The following ANGPTL1 variants were observed in gnomAD, a reference collection of about 807,000 sequenced individuals.
ANGPTL1 encodes angiopoietin like 1.
ANGPTL1 carries 36 observed loss-of-function variants against 46.7 expected under a neutral mutation model. That is an observed-to-expected ratio of 0.77 (90% CI 0.59 to 1.02). The LOEUF is 1.02. ANGPTL1 is among the 50% of genes least tolerant of loss of function. ANGPTL1 has a pLI of 0.00. For synonymous variants in ANGPTL1, 221 were observed against 204.3 expected, an observed-to-expected ratio of 1.08 and a Z score of -0.69; for missense variants, 571 against 594.7, an observed-to-expected ratio of 0.96 and a Z score of 0.41.
In ANGPTL1 at chr1:178,865,085, G is replaced by A; in HGVS notation, c.692C>T (p.Pro231Leu). ...AATCTCGTTACCTCCCAGCAGACCA[G>A]GAGTATACTGTTGGCTGTTAGGAAT... ...QHIPNSQQYTPGLLGGNEIQR... is the reference protein window; with the variant it reads ...QHIPNSQQYTLGLLGGNEIQR... The change falls in exon 3 of 6, where the codon CCT becomes CTT. Residue 231 changes from proline (P) to leucine (L), a missense_variant. Coordinates refer to ENST00000234816, the MANE Select transcript of ANGPTL1 (RefSeq NM_004673.4). 9.7e-6 allele frequency: 15 copies of A among 1,553,794 alleles called. No individual in the cohort carries two copies. The highest frequency in any genetic ancestry group is 1.4e-5 in the African/African-American group (1 of 73,558).
At chr1:178,856,197 A>AGG (rs1657535108) in intron 3 of ANGPTL1, among the ~76,000 whole-genome samples, 4 of 41,496 alleles carry the variant, frequency 9.6e-5, no homozygotes, top group Non-Finnish European at 2.1e-4. Flanking sequence ...TTCCAGAGAG[A>AGG]GAGAGATATA....
In ANGPTL1 at chr1:178,865,481, A is replaced by C; in HGVS notation, c.296T>G (p.Ile99Arg). The change falls in exon 3 of 6, where the codon ATA becomes AGA. Residue 99 changes from isoleucine to arginine, a missense_variant. By Grantham distance (97) the Ile-to-Arg change is moderately conservative. Coordinates refer to ENST00000234816, the MANE Select transcript of ANGPTL1 (RefSeq NM_004673.4). ...ATCCACCACCAGTTGCAGAACATCT[A>C]TCTCCCGCTTCTGCCTGGAGAGCAC... is the stretch of plus-strand genomic sequence containing the variant. ...KDVLSRQKRE[I>R]DVLQLVVDVD... 1.2e-6 allele frequency: 2 copies of C among 1,614,042 alleles called. No individual in the cohort carries two copies. Among genetic ancestry groups the C allele is most frequent in the Non-Finnish European group, 8.5e-7 (1 of 1,179,996 alleles).
chr1:178,861,275 G>A (rs1046469439), intron 3 of ANGPTL1, among the ~76,000 whole-genome samples: 4 of 152,096 alleles, frequency 2.6e-5, no homozygotes, highest in Non-Finnish European at 5.9e-5. Flanking sequence ...AAAAGTTAAT[G>A]TTTACATAAA....
rs780592103 is a variant in ANGPTL1 at position 178,865,299 on chromosome 1, T to G, written c.478A>C (p.Asn160His). The change falls in exon 3 of 6, where the codon AAT becomes CAT. Residue 160 changes from asparagine to histidine, a missense_variant. Coordinates refer to ENST00000234816, the MANE Select transcript of ANGPTL1 (RefSeq NM_004673.4). ...ATCTTCAACATTTCTGTGGTGACAT[T>G]GAGGATTTTGTTTTCCAGTTGGGAA... ...ELSQLENKIL[N>H]VTTEMLKMAT... The G allele has an allele frequency of 6.2e-7, 1 of 1,614,058 alleles. No homozygotes were observed. The highest frequency in any genetic ancestry group is 1.1e-5 in the South Asian group (1 of 91,066).
chr1:178,850,145 GC>G lies in ANGPTL1; in HGVS notation c.*983del, dbSNP rs1328578073. The G allele has an allele frequency of 6.6e-6, 1 of 152,630 alleles. No individual in the cohort carries two copies. The highest frequency in any genetic ancestry group is 2.4e-5 in the African/African-American group (1 of 41,450). The allele number at this position is 152,630 out of a possible 1,614,324, so 9.5% of individuals were successfully genotyped here. Reference sequence around the variant, plus strand: ...TTGAATTCTCAGTATCGGGAAAACAGCCAACAGTTCCTTGAGTTTGTTTTAG... The same window carrying G: ...TTGAATTCTCAGTATCGGGAAAACAGCAACAGTTCCTTGAGTTTGTTTTAG... On this transcript the variant is annotated 3_prime_UTR_variant, in exon 6 of 6. Transcript: ENST00000234816.
At position 178,850,450 on chromosome 1, in the gene ANGPTL1, T is replaced by C. The variant is rs1240981955; in HGVS notation, c.*679A>G. ...ATGAAGATAACACTGAAAAATTCAT[T>C]CATAGATTTGTCTTTATAAATTGAC... On this transcript the variant is annotated 3_prime_UTR_variant, in exon 6 of 6. Coordinates refer to ENST00000234816, the MANE Select transcript of ANGPTL1 (RefSeq NM_004673.4). 6.6e-6 allele frequency: 1 copy of C among 152,330 alleles called. No individual in the cohort carries two copies. Among genetic ancestry groups the C allele is most frequent in the African/African-American group, 2.4e-5 (1 of 41,574 alleles). 9.4% of individuals were successfully genotyped at this position (152,330 alleles called of 1,614,324 possible).
At chr1:178,852,194 T>C (rs1365383310) in intron 5 of ANGPTL1, among the ~76,000 whole-genome samples, 1 of 152,174 alleles carries the variant, frequency 6.6e-6, no homozygotes, top group African/African-American at 2.4e-5. Flanking sequence ...CGAACCCATA[T>C]AAAATAGCTG....
At position 178,870,963 on chromosome 1, in the gene ANGPTL1, G is replaced by C. The variant is rs1465573048; in HGVS notation, c.-359C>G. 1.3e-5 allele frequency: 2 copies of C among 152,194 alleles called. No homozygotes were observed. Among genetic ancestry groups the C allele is most frequent in the East Asian group, 3.8e-4 (2 of 5,202 alleles). 9.4% of individuals were successfully genotyped at this position (152,194 alleles called of 1,614,324 possible). A position where few individuals can be genotyped will look rare whatever the true frequency, so the allele number is the denominator to read the frequency against. ...TGTAATTTTAAGTAGTATAGTGGAA[G>C]TTCTGGTCTGTGGGCCGTCTTTAAT... On this transcript the variant is annotated 5_prime_UTR_variant, in exon 1 of 6. Coordinates refer to ENST00000234816, the MANE Select transcript of ANGPTL1 (RefSeq NM_004673.4).
intron 3 of ANGPTL1, among the ~76,000 whole-genome samples, chr1:178,856,796 A>G (rs576963327): frequency 9.8e-5 from 15 of 152,292 alleles, no homozygotes; most frequent in Admixed American, 9.8e-4. Flanking sequence ...TCAAAGATGA[A>G]TGTACAGTCA....
chr1:178,866,995 G>A (rs1322602232), intron 2 of ANGPTL1, among the ~76,000 whole-genome samples: 1 of 152,002 alleles, frequency 6.6e-6, no homozygotes, highest in Non-Finnish European at 1.5e-5. Flanking sequence ...GTCTATTACA[G>A]GCCACCTTTT....
At chr1:178,870,038 G>A (rs1035648910) in intron 1 of ANGPTL1, among the ~76,000 whole-genome samples, 1 of 152,044 alleles carries the variant, frequency 6.6e-6, no homozygotes, top group African/African-American at 2.4e-5. Flanking sequence ...GCTTTTGTGT[G>A]TATATCAATA....
At chr1:178,851,604 G>A (rs1210956449) in intron 5 of ANGPTL1, among the ~76,000 whole-genome samples, 2 of 152,068 alleles carry the variant, frequency 1.3e-5, no homozygotes, top group Admixed American at 6.6e-5. Context: ...GTGTTTATAT[G>A]TGAAAGAGTT....
At chr1:178,853,150 C>T in intron 4 of ANGPTL1, 197 bp from the exon 5 acceptor site, 4 of 985,272 alleles carry the variant, frequency 4.1e-6, no homozygotes, top group Non-Finnish European at 4.8e-6. Context: ...TTTTTTGCTT[C>T]TGATATGTCA....
At chr1:178,859,806 T>G (rs1382483099) in intron 3 of ANGPTL1, among the ~76,000 whole-genome samples, 3 of 65,490 alleles carry the variant, frequency 4.6e-5, no homozygotes, top group Non-Finnish European at 9.2e-5. Context: ...CATGCCATTC[T>G]CCTGCCTCTG....
chr1:178,851,841 C>T (rs1000090913), intron 5 of ANGPTL1, among the ~76,000 whole-genome samples: 5 of 151,960 alleles, frequency 3.3e-5, no homozygotes, highest in Non-Finnish European at 5.9e-5. Flanking sequence ...CAAAATACAG[C>T]TGGAGAGAAA....
chr1:178,859,757 T>G (rs1477153883), intron 3 of ANGPTL1, among the ~76,000 whole-genome samples: 3 of 126,154 alleles, frequency 2.4e-5, no homozygotes, highest in Non-Finnish European at 3.3e-5. Flanking sequence ...GAGTGCAGTG[T>G]CGCGATCTCG....
intron 3 of ANGPTL1, among the ~76,000 whole-genome samples, chr1:178,860,353 T>C (rs1657916836): frequency 6.6e-6 from 1 of 152,304 alleles, no homozygotes; most frequent in East Asian, 1.9e-4. Flanking sequence ...CTAAATACTA[T>C]TTTTTATAAC....
chr1:178,864,769 G>C (rs576263475), intron 3 of ANGPTL1, among the ~76,000 whole-genome samples, 185 bp downstream of exon 3: 4 of 152,030 alleles, frequency 2.6e-5, no homozygotes, highest in Non-Finnish European at 5.9e-5. Flanking sequence ...TAAACTCCTG[G>C]AACTTCAGAG....
chr1:178,866,834 G>C (rs1291460545), intron 2 of ANGPTL1, among the ~76,000 whole-genome samples: 1 of 152,172 alleles, frequency 6.6e-6, no homozygotes, highest in East Asian at 1.9e-4. Flanking sequence ...TGCTGTAGCA[G>C]ATGAGAAATA....
Sources: allele counts gnomAD v4.1 joint callset (sites outside exome capture counted in the v4.1 genomes callset), GRCh38; gene constraint gnomAD v4.1.1; transcripts MANE v1.5; gene names NCBI Gene and HGNC (gene_info 2026-07-23, HGNC 2026-07-21).